Variants in KIF26B observed in about 807,000 individuals in gnomAD.
KIF26B encodes the protein kinesin family member 26B.
In KIF26B, 63 loss-of-function variants were observed where a neutral mutation model predicts 151.2. The ratio of observed to expected loss-of-function variants is 0.42; its 90% CI spans 0.34 to 0.51. The LOEUF is 0.51. KIF26B is among the 20% of genes least tolerant of loss of function. KIF26B has a pLI of 0.07. For missense variants in KIF26B, 2,813 were observed against 2,913.6 expected, an observed-to-expected ratio of 0.97 and a Z score of 0.79; for synonymous variants, 1,357 against 1,262.1, an observed-to-expected ratio of 1.08 and a Z score of -1.59.
At chr1:245,261,510 T>TCTCTCC (rs1558366125) in intron 2 of KIF26B, among the ~76,000 whole-genome samples, 1 of 105,402 alleles carries the variant, frequency 9.5e-6, no homozygotes, top group African/African-American at 3.5e-5. Context: ...TCTCCCTCCC[T>TCTCTCC]CCCTCCCTCC....
chr1:245,532,112 A>G (rs953280784), intron 4 of KIF26B, among the ~76,000 whole-genome samples: 5 of 152,002 alleles, frequency 3.3e-5, no homozygotes, highest in African/African-American at 9.7e-5. Context: ...GCAAACAACA[A>G]AAAGACAACT....
At chr1:245,504,286 C>G (rs905290703) in intron 4 of KIF26B, among the ~76,000 whole-genome samples, 1 of 152,014 alleles carries the variant, frequency 6.6e-6, no homozygotes, top group Non-Finnish European at 1.5e-5. Flanking sequence ...ACACTTTCCT[C>G]TCTCCTTCTT....
At chr1:245,243,481 T>TATATATATACAC (rs879880728) in intron 2 of KIF26B, among the ~76,000 whole-genome samples, 1 of 151,646 alleles carries the variant, frequency 6.6e-6, no homozygotes, top group African/African-American at 2.4e-5. Flanking sequence ...CATATATATA[T>TATATATATACAC]ACACACATAC....
intron 2 of KIF26B, among the ~76,000 whole-genome samples, chr1:245,320,545 A>G (rs1671867719): frequency 6.6e-6 from 1 of 152,206 alleles, no homozygotes; most frequent in African/African-American, 2.4e-5. Context: ...AGTTTTGACA[A>G]ATGAATAAAG....
chr1:245,425,557 A>C (rs1756915), intron 4 of KIF26B, among the ~76,000 whole-genome samples: 18,872 of 151,962 alleles, frequency 0.12, 1,477 homozygotes, highest in African/African-American at 0.22. Flanking sequence ...CAGGCGTCCA[A>C]CACCACACCC....
chr1:245,405,889 C>A (rs1674124700), intron 3 of KIF26B, among the ~76,000 whole-genome samples: 2 of 152,168 alleles, frequency 1.3e-5, no homozygotes, highest in Admixed American at 6.5e-5. Context: ...ACCATGTAAG[C>A]CATTGCATTA....
intron 2 of KIF26B, among the ~76,000 whole-genome samples, chr1:245,219,926 G>C (rs1385216822): frequency 6.6e-6 from 1 of 152,086 alleles, no homozygotes; most frequent in Non-Finnish European, 1.5e-5. Context: ...AAAGACTATG[G>C]GGGTTCCTAG....
intron 2 of KIF26B, among the ~76,000 whole-genome samples, chr1:245,251,046 C>T (rs771885087): frequency 2.0e-5 from 3 of 152,196 alleles, no homozygotes; most frequent in Non-Finnish European, 4.4e-5. Flanking sequence ...GGACACACTT[C>T]GTTTCCCCAG....
At chr1:245,249,540 T>C (rs1573733080) in intron 2 of KIF26B, among the ~76,000 whole-genome samples, 1 of 137,948 alleles carries the variant, frequency 7.2e-6, no homozygotes. Context: ...TAGGCCGGAG[T>C]GCAATGGCAT....
At chr1:245,220,925 C>G (rs1669754009) in intron 2 of KIF26B, among the ~76,000 whole-genome samples, 1 of 151,974 alleles carries the variant, frequency 6.6e-6, no homozygotes, top group Non-Finnish European at 1.5e-5. Flanking sequence ...CAAGTTGAAG[C>G]CTGGGAAAGA....
chr1:245,581,427 A>G (rs2043173588), intron 5 of KIF26B, among the ~76,000 whole-genome samples: 1 of 151,254 alleles, frequency 6.6e-6, no homozygotes, highest in Non-Finnish European at 1.5e-5. Flanking sequence ...TAGATAATAG[A>G]GAAATAGAAG....
At chr1:245,324,431 A>G (rs1671946437) in intron 2 of KIF26B, among the ~76,000 whole-genome samples, 1 of 152,206 alleles carries the variant, frequency 6.6e-6, no homozygotes, top group Non-Finnish European at 1.5e-5. Flanking sequence ...AACAATAAAC[A>G]GTCAAAATGT....
In KIF26B at chr1:245,497,616, A is replaced by G. The variant is rs60190140; in HGVS notation, c.1167-43151A>G. ...GAAATGATGAAAATTTTACACGTCA[A>G]GCGCTAACTAACCACTCACCCCTGA... On this transcript the variant is annotated intron_variant, in intron 4 of 14. Coordinates refer to ENST00000407071, the MANE Select transcript of KIF26B (RefSeq NM_018012.4). 9.5e-3 allele frequency among the ~76,000 whole-genome samples: 1,453 copies of G among 152,352 alleles called. 22 individuals carry two copies. The highest frequency in any genetic ancestry group is 0.029 in the African/African-American group (1,223 of 41,578).
At chr1:245,254,240 T>C (rs376109013) in intron 2 of KIF26B, among the ~76,000 whole-genome samples, 31 of 152,328 alleles carry the variant, frequency 2.0e-4, no homozygotes, top group African/African-American at 7.2e-4. Flanking sequence ...TCTAGAATTT[T>C]ATTAGGTTGC....
chr1:245,304,582 G>C (rs1348823760), intron 2 of KIF26B, among the ~76,000 whole-genome samples: 1 of 152,106 alleles, frequency 6.6e-6, no homozygotes, highest in Non-Finnish European at 1.5e-5. Flanking sequence ...TTGCAGACAA[G>C]CCCAAGTCTA....
At chr1:245,640,853 A>G (rs2043884544) in intron 9 of KIF26B, among the ~76,000 whole-genome samples, 1 of 152,188 alleles carries the variant, frequency 6.6e-6, no homozygotes, top group African/African-American at 2.4e-5. Context: ...TGATGTCACA[A>G]GATCAAAATT....
chr1:245,209,562 TAGAG>T (rs1273734807), intron 2 of KIF26B, among the ~76,000 whole-genome samples: 1 of 151,742 alleles, frequency 6.6e-6, no homozygotes, highest in Non-Finnish European at 1.5e-5. Flanking sequence ...CTGTGGGACA[TAGAG>T]AGAGGTGTTT....
intron 2 of KIF26B, among the ~76,000 whole-genome samples, chr1:245,277,860 C>T (rs1670966551): frequency 6.6e-6 from 1 of 152,118 alleles, no homozygotes; most frequent in South Asian, 2.1e-4. Context: ...GGTAAAACCA[C>T]AAGGAGGTAT....
intron 5 of KIF26B, among the ~76,000 whole-genome samples, chr1:245,553,706 C>T (rs1437258742): frequency 6.6e-6 from 1 of 152,034 alleles, no homozygotes; most frequent in Non-Finnish European, 1.5e-5. Context: ...AGCCCTACTC[C>T]GGAATAGTAA....
Sources: allele counts gnomAD v4.1 joint callset (sites outside exome capture counted in the v4.1 genomes callset), GRCh38; gene constraint gnomAD v4.1.1; transcripts MANE v1.5; gene names NCBI Gene and HGNC (gene_info 2026-07-23, HGNC 2026-07-21).